Variants in GRN observed in about 807,000 individuals in gnomAD.
GRN encodes the protein granulin precursor.
Under a neutral mutation model 66.7 loss-of-function variants are expected in GRN, and 30 were observed. The observed-to-expected ratio is 0.45, with a 90% CI of 0.34 to 0.61. The LOEUF (loss-of-function observed/expected upper bound fraction) is 0.61. Ranked by LOEUF, GRN falls within the 20% of genes least tolerant of loss-of-function variation. GRN has a pLI of 0.01. For missense variants in GRN, 731 were observed against 803.5 expected (o/e 0.91, Z 1.09); for synonymous variants, 327 against 311.1 (o/e 1.05, Z -0.54).
intron 1 of GRN, among the ~76,000 whole-genome samples, chr17:44,347,494 G>C (rs551108930): frequency 6.6e-6 from 1 of 151,900 alleles, no homozygotes; most frequent in African/African-American, 2.4e-5. Flanking sequence ...TTACCACGTT[G>C]GTCAGGCTGG....
At chr17:44,350,665 GC>G in intron 6 of GRN, 25 bp from the exon 7 acceptor site, 1 of 1,611,098 alleles carries the variant, frequency 6.2e-7, no homozygotes, top group Non-Finnish European at 8.5e-7. Flanking sequence ...CATCCTGGCT[GC>G]CCCTCACGTT....
At chr17:44,350,368 G>A (rs2143332276) in intron 5 of GRN, 28 bp downstream of exon 5, 1 of 1,611,570 alleles carries the variant, frequency 6.2e-7, no homozygotes, top group East Asian at 2.2e-5. Context: ...ATGGGGGTAT[G>A]TGGAGGGAAG....
chr17:44,348,731 G>A (rs1378418595), intron 1 of GRN, among the ~76,000 whole-genome samples: 2 of 152,204 alleles, frequency 1.3e-5, no homozygotes, highest in African/African-American at 2.4e-5. Flanking sequence ...TTTTCCTGGG[G>A]GGACTCCCTC....
intron 7 of GRN, 50 bp downstream of exon 7, chr17:44,350,850 C>A: frequency 1.4e-6 from 2 of 1,472,788 alleles, no homozygotes; most frequent in Non-Finnish European, 1.9e-6. Flanking sequence ...AGCCACCTGG[C>A]CCTGACACGC....
chr17:44,346,922 C>T (rs868451442), intron 1 of GRN, among the ~76,000 whole-genome samples: 2 of 152,090 alleles, frequency 1.3e-5, no homozygotes, highest in Non-Finnish European at 2.9e-5. Flanking sequence ...TTGAGACCAG[C>T]CTGACCAACA....
chr17:44,349,459 G>A lies in GRN; in HGVS notation c.172G>A (p.Gly58Ser), dbSNP rs758199939. 1.4e-5 allele frequency: 23 copies of A among 1,614,026 alleles called. No individual in the cohort carries two copies. Among genetic ancestry groups the A allele is most frequent in the Non-Finnish European group, 1.9e-5 (23 of 1,179,988 alleles). Residue 58 changes from glycine to serine, a missense_variant, in exon 3 of 13, where the codon GGT becomes AGT. Transcript: ENST00000053867. ...GCCCACAACACTGAGCAGGCATCTG[G>A]GTGGCCCCTGCCAGGTTGATGCCCA... The part of the protein sequence containing the change: ...KWPTTLSRHL[G>S]GPCQVDAHCS...
At chr17:44,349,576 A>G (rs745376056) in intron 3 of GRN, 25 bp downstream of exon 3, 1 of 1,613,784 alleles carries the variant, frequency 6.2e-7, no homozygotes, top group African/African-American at 1.3e-5. Flanking sequence ...AGCCCAGTGG[A>G]GGGGCTTAGG....
In GRN at chr17:44,352,531, G is replaced by C. The variant is rs753857985; in HGVS notation, c.1604G>C (p.Arg535Pro). Residue 535 changes from arginine to proline, a missense_variant, in exon 12 of 13, where the codon CGA becomes CCA. Physicochemically the swap from Arg to Pro is moderately radical, Grantham distance 103. Transcript: ENST00000053867. ...HFCHDNQTCC[R>P]DNRQGWACCP... The stretch of plus-strand genomic sequence containing the variant: ...TGCCATGATAACCAGACCTGCTGCC[G>C]AGACAACCGACAGGGCTGGGCCTGC... 1.2e-6 allele frequency: 2 copies of C among 1,613,780 alleles called. No individual in the cohort carries two copies. The highest frequency in any genetic ancestry group is 1.3e-5 in the African/African-American group (1 of 75,022).
chr17:44,351,145 A>G lies in GRN; in HGVS notation c.817A>G (p.Lys273Glu), dbSNP rs775409489. The G allele has an allele frequency of 2.5e-6, 4 of 1,614,086 alleles. No homozygotes were observed. The Admixed American group carries it at 6.7e-5, about 27-fold the overall frequency. ...KENATTDLLT[K>E]LPAHTVGDVK... is the part of the protein sequence containing the mutation. ...GAACGCTACCACGGACCTCCTCACT[A>G]AGCTGCCTGCGCACACAGGTACCAG... The change falls in exon 8 of 13, where the codon AAG becomes GAG. Residue 273 changes from lysine to glutamate, a missense_variant. Around this residue, in one of 3 missense-constraint regions of GRN, gnomAD observed 370 missense variants for 379.8 expected, o/e 0.97. Transcript: ENST00000053867.
chr17:44,349,638 G>C, intron 3 of GRN, 29 bp from the exon 4 acceptor site: 1 of 1,611,006 alleles, frequency 6.2e-7, no homozygotes, highest in Non-Finnish European at 8.5e-7. Flanking sequence ...AAAGGGCCCT[G>C]CCAATGCAGG....
At position 44,350,553 on chromosome 17, in the gene GRN, C is replaced by T; in HGVS notation, c.574C>T (p.Pro192Ser). ...CACCCACCCCCTGGCAAAGAAGCTC[C>T]CTGCCCAGAGGACTAACAGGGCAGG... ...TGTHPLAKKL[P>S]AQRTNRAVAL... The change falls in exon 6 of 13, where the codon CCT becomes TCT. Residue 192 changes from proline (P) to serine (S), a missense_variant. Pro to Ser is a moderately conservative substitution (Grantham distance 74). Around this residue, in one of 3 missense-constraint regions of GRN, gnomAD observed 370 missense variants for 379.8 expected, o/e 0.97. Transcript: ENST00000053867. 1.9e-6 allele frequency: 3 copies of T among 1,613,964 alleles called. No individual in the cohort carries two copies. Among genetic ancestry groups the T allele is most frequent in the East Asian group, 2.2e-5 (1 of 44,886 alleles).
At position 44,350,128 on chromosome 17, in the gene GRN, T is replaced by C. The variant is rs2048357650; in HGVS notation, c.350-100T>C. Reference sequence around the variant, plus strand: ...CCTTAGTGTCACCCTCAAACCCCAGTAGCTGGGCTTGCAGGCCCTGGTGCC... The same window carrying C: ...CCTTAGTGTCACCCTCAAACCCCAGCAGCTGGGCTTGCAGGCCCTGGTGCC... On this transcript the variant is annotated intron_variant, in intron 4 of 12. Transcript: ENST00000053867. The C allele has an allele frequency of 5.9e-6, 5 of 853,886 alleles. No individual in the cohort carries two copies. In the Admixed American group the frequency reaches 6.8e-5, roughly 12 times the overall value. 52.9% of individuals were successfully genotyped at this position (853,886 alleles called of 1,614,324 possible).
chr17:44,346,015 C>G (rs1318034200), intron 1 of GRN: 1 of 152,258 alleles, frequency 6.6e-6, no homozygotes, highest in Non-Finnish European at 1.5e-5. Flanking sequence ...GACTGCGACT[C>G]GCCTCCTCAT....
At chr17:44,350,929 A>C (rs1316969850) in intron 7 of GRN, 108 bp from the exon 8 acceptor site, 1 of 1,423,260 alleles carries the variant, frequency 7.0e-7, no homozygotes, top group Admixed American at 1.7e-5. Flanking sequence ...TGCAGGGTTC[A>C]TGCTACCCCC....
chr17:44,349,730 C>A lies in GRN; in HGVS notation c.328C>A (p.Arg110=). ...GGGCTTCCACTGCAGTGCAGACGGG[C>A]GATCCTGCTTCCAAAGATCAGGTGC... ...PRGFHCSADG[R]SCFQRSGNNS... The change falls in exon 4 of 13, where the codon CGA becomes AGA. Residue 110 remains arginine, a synonymous_variant. Coordinates refer to ENST00000053867, the MANE Select transcript of GRN (RefSeq NM_002087.4). The A allele has an allele frequency of 1.2e-6, 2 of 1,609,276 alleles. No individual in the cohort carries two copies. Among genetic ancestry groups the A allele is most frequent in the African/African-American group, 2.7e-5 (2 of 74,982 alleles).
At chr17:44,351,317 G>A (rs2048371750) in intron 8 of GRN, 46 bp from the exon 9 acceptor site, 2 of 1,541,538 alleles carry the variant, frequency 1.3e-6, no homozygotes. Context: ...TACCCCTGAG[G>A]GTCCCCAGTG....
Position 44,350,535 on chromosome 17 carries a change from C to T in GRN, c.556C>T (p.Pro186Ser). 1 of 1,613,962 alleles carries T rather than the reference C, an allele frequency of 6.2e-7. No individual in the cohort carries two copies. The highest frequency in any genetic ancestry group is 8.5e-7 in the Non-Finnish European group (1 of 1,179,962). ...TRCITPTGTH[P>S]LAKKLPAQRT... ...CTGCATCACACCCACGGGCACCCAC[C>T]CCCTGGCAAAGAAGCTCCCTGCCCA... Residue 186 changes from proline (P) to serine (S), a missense_variant, in exon 6 of 13, where the codon CCC becomes TCC. By Grantham distance (74) the Pro-to-Ser change is moderately conservative (BLOSUM62 -1). Coordinates refer to ENST00000053867, the MANE Select transcript of GRN (RefSeq NM_002087.4).
At position 44,349,177 on chromosome 17, in the gene GRN, G is replaced by A. The variant is rs1555610859; in HGVS notation, c.13G>A (p.Val5Met). The change falls in exon 2 of 13, where the codon GTG (valine) becomes ATG (methionine). Residue 5 changes from valine (V) to methionine (M), a missense_variant. Physicochemically the swap from Val to Met is conservative, Grantham distance 21. Coordinates refer to ENST00000053867, the MANE Select transcript of GRN (RefSeq NM_002087.4). MWTL[V>M]SWVALTAGLV... is the part of the protein sequence containing the mutation. ...TTGCAGGCAGACCATGTGGACCCTG[G>A]TGAGCTGGGTGGCCTTAACAGCAGG... The A allele has an allele frequency of 1.2e-6, 2 of 1,614,122 alleles. No homozygotes were observed. The highest frequency in any genetic ancestry group is 1.7e-6 in the Non-Finnish European group (2 of 1,179,990).
intron 6 of GRN, 57 bp downstream of exon 6, chr17:44,350,634 A>G (rs1450939909): frequency 5.0e-6 from 8 of 1,611,772 alleles, no homozygotes; most frequent in African/African-American, 1.3e-5. Flanking sequence ...ATTGACTCCA[A>G]GTGTAGGAAA....
Sources: allele counts gnomAD v4.1 joint callset (sites outside exome capture counted in the v4.1 genomes callset), GRCh38; gene constraint gnomAD v4.1.1; regional missense constraint gnomAD v4.1.1; transcripts MANE v1.5; gene names NCBI Gene and HGNC (gene_info 2026-07-23, HGNC 2026-07-21).